The following BMP2K variants were observed in gnomAD, a reference collection of about 807,000 sequenced individuals.
BMP2K encodes the protein BMP-2-inducible protein kinase.
BMP2K carries 74 observed loss-of-function variants against 116.0 expected under a neutral mutation model. The observed-to-expected ratio is 0.64, with a 90% confidence interval of 0.53 to 0.77. BMP2K has a LOEUF of 0.77. Among genes scored for constraint, BMP2K ranks in the 30% least tolerant of loss-of-function variants. The pLI, the probability that BMP2K is intolerant of heterozygous loss-of-function variation, is 0.00. For missense variants in BMP2K, 1,365 were observed against 1,403.6 expected, an observed-to-expected ratio of 0.97 and a Z score of 0.44; for synonymous variants, 486 against 502.5, an observed-to-expected ratio of 0.97 and a Z score of 0.44.
intron 1 of BMP2K, among the ~76,000 whole-genome samples, chr4:78,778,347 G>A (rs545226811): frequency 2.5e-4 from 38 of 152,254 alleles, no homozygotes; most frequent in African/African-American, 8.7e-4. Flanking sequence ...AAGTAATAAA[G>A]ATGAATTTCA....
chr4:78,823,540 ATATATATAGTTATATATAGTTATATAGT>A (rs1729731349), intron 1 of BMP2K, among the ~76,000 whole-genome samples: 1 of 146,938 alleles, frequency 6.8e-6, no homozygotes, highest in Non-Finnish European at 1.5e-5. Flanking sequence ...ATATATGGTT[ATATATATAGTTATATATAGTTATATAGT>A]TATATATAGT....
chr4:78,903,539 C>T (rs1289945175), intron 15 of BMP2K, among the ~76,000 whole-genome samples: 2 of 151,882 alleles, frequency 1.3e-5, no homozygotes, highest in African/African-American at 2.4e-5. Context: ...AACATCATCC[C>T]TATCAGGTAA....
chr4:78,807,547 G>C lies in BMP2K; in HGVS notation c.179-18490G>C, dbSNP rs114112382. On this transcript the variant is annotated intron_variant, in intron 1 of 15. Transcript: ENST00000502613. ...TTTATTAGTAAAGCCATCTAGTCTT[G>C]GGCTTTTCTTTTTTTCTTTTTTCTT... Among the ~76,000 whole-genome samples the C allele has an allele frequency of 7.8e-3, 1,181 of 151,018 alleles. 8 individuals carry two copies. The highest frequency in any genetic ancestry group is 0.021 in the Middle Eastern group (6 of 290).
In BMP2K at chr4:78,889,220, C is replaced by CAA. The variant is rs71661191; in HGVS notation, c.2062+1957_2062+1958dup. Among the ~76,000 whole-genome samples the CAA allele has an allele frequency of 7.2e-3, 366 of 51,098 alleles. 1 individual carries two copies. Among genetic ancestry groups the CAA allele is most frequent in the Non-Finnish European group, 9.3e-3 (215 of 23,200 alleles). 33.5% of individuals were successfully genotyped at this position (51,098 alleles called of 152,430 possible). A position where few individuals can be genotyped will look rare whatever the true frequency, so the allele number is the denominator to read the frequency against. On this transcript the variant is annotated intron_variant, in intron 15 of 15. Coordinates refer to ENST00000502613, the MANE Select transcript of BMP2K (RefSeq NM_198892.2). ...TGGGCGATAGAGTGAGACTCTGTCT[C>CAA]AAAAAAAAAAAAAAAAAAAAAAGCC...
At chr4:78,799,070 C>T (rs1422434927) in intron 1 of BMP2K, among the ~76,000 whole-genome samples, 1 of 152,170 alleles carries the variant, frequency 6.6e-6, no homozygotes, top group Non-Finnish European at 1.5e-5. Flanking sequence ...CTCAACATTT[C>T]TGAAAAGACA....
At chr4:78,885,979 T>C (rs1733057701) in intron 14 of BMP2K, among the ~76,000 whole-genome samples, 1 of 152,192 alleles carries the variant, frequency 6.6e-6, no homozygotes, top group African/African-American at 2.4e-5. Flanking sequence ...AGTAATGTGT[T>C]ATTGACTGTT....
chr4:78,850,364 TAC>T (rs1731186988), intron 6 of BMP2K, among the ~76,000 whole-genome samples: 1 of 151,842 alleles, frequency 6.6e-6, no homozygotes, highest in Non-Finnish European at 1.5e-5. Context: ...AGGTTACACA[TAC>T]AATTAGTATA....
At chr4:78,792,744 T>C (rs2109936735) in intron 1 of BMP2K, among the ~76,000 whole-genome samples, 1 of 152,304 alleles carries the variant, frequency 6.6e-6, no homozygotes, top group African/African-American at 2.4e-5. Flanking sequence ...AAGTACAAGA[T>C]TGACCACTGG....
chr4:78,879,047 A>G, intron 14 of BMP2K, 156 bp downstream of exon 14: 3 of 1,412,630 alleles, frequency 2.1e-6, no homozygotes, highest in South Asian at 3.4e-5. Flanking sequence ...ATACTATCAA[A>G]TTATGTTGTG....
rs183320388 is a variant in BMP2K, at chr4:78,791,944, C to T, written c.178+15223C>T. 2.6e-3 allele frequency among the ~76,000 whole-genome samples: 394 copies of T among 152,184 alleles called. 1 individual carries two copies. Among genetic ancestry groups the T allele is most frequent in the Non-Finnish European group, 4.4e-3 (302 of 68,008 alleles). ...TATGTTTGAGTCCCTGCTTTCATGCCTTTTTGGTATATATCCGGAAGGGAA... is the reference window on the plus strand; with the variant it reads ...TATGTTTGAGTCCCTGCTTTCATGCTTTTTTGGTATATATCCGGAAGGGAA... On this transcript the variant is annotated intron_variant, in intron 1 of 15. Transcript: ENST00000502613.
At chr4:78,804,486 T>C (rs553252282) in intron 1 of BMP2K, among the ~76,000 whole-genome samples, 2 of 152,202 alleles carry the variant, frequency 1.3e-5, no homozygotes, top group Non-Finnish European at 2.9e-5. Context: ...GGTAGCTTTA[T>C]GTTTAACTTT....
chr4:78,840,184 A>G (rs1577916033), intron 3 of BMP2K, among the ~76,000 whole-genome samples: 1 of 152,294 alleles, frequency 6.6e-6, no homozygotes, highest in Non-Finnish European at 1.5e-5. Context: ...TAGTGATGAA[A>G]TTTGGCAGAG....
chr4:78,848,260 TTTAA>T lies in BMP2K; in HGVS notation c.750+996_750+999del, dbSNP rs528272309. Among the ~76,000 whole-genome samples the T allele has an allele frequency of 2.6e-3, 391 of 151,750 alleles. 1 individual carries two copies. The highest frequency in any genetic ancestry group is 4.4e-3 in the Non-Finnish European group (300 of 67,678). On this transcript the variant is annotated intron_variant, in intron 6 of 15. Transcript: ENST00000502613. ...GAATTTTTTAAAATCACATGTATAATTTAATTAAAAATAAGTTTATTAATTTGGT... is the reference window on the plus strand; with the variant it reads ...GAATTTTTTAAAATCACATGTATAATTTAAAAATAAGTTTATTAATTTGGT...
intron 3 of BMP2K, among the ~76,000 whole-genome samples, chr4:78,837,190 CTCTTT>C (rs1027938980): frequency 7.9e-5 from 12 of 151,150 alleles, no homozygotes; most frequent in Non-Finnish European, 1.5e-4. Context: ...TTTCCAAGGA[CTCTTT>C]TCTTTTTTTT....
At chr4:78,894,320 A>G (rs968200734) in intron 15 of BMP2K, among the ~76,000 whole-genome samples, 8 of 152,198 alleles carry the variant, frequency 5.3e-5, no homozygotes, top group African/African-American at 1.9e-4. Flanking sequence ...CTTCCAATAG[A>G]AGGCTGTTTT....
chr4:78,823,929 A>T (rs1340303315), intron 1 of BMP2K, among the ~76,000 whole-genome samples: 42 of 152,206 alleles, frequency 2.8e-4, no homozygotes, highest in Admixed American at 2.7e-3. Context: ...TAGTTTTTGT[A>T]ACCAAATAAA....
intron 6 of BMP2K, among the ~76,000 whole-genome samples, chr4:78,849,060 G>A (rs1731134773): frequency 6.6e-6 from 1 of 151,492 alleles, no homozygotes. Flanking sequence ...GCATGATATT[G>A]AAGTATTTAG....
At chr4:78,827,405 A>G (rs938196315) in intron 2 of BMP2K, among the ~76,000 whole-genome samples, 5 of 152,112 alleles carry the variant, frequency 3.3e-5, no homozygotes, top group African/African-American at 1.2e-4. Context: ...CTATCAGGGA[A>G]TCTCATCCAT....
intron 1 of BMP2K, among the ~76,000 whole-genome samples, chr4:78,814,319 A>G (rs1368160484): frequency 3.3e-5 from 5 of 151,976 alleles, no homozygotes; most frequent in Admixed American, 2.0e-4. Flanking sequence ...TTCAGGTTCT[A>G]CCTTCTTTAA....
Sources: gnomAD v4.1 joint callset for allele counts (sites outside exome capture counted in the v4.1 genomes callset) on GRCh38, gnomAD v4.1.1 for gene constraint, MANE v1.5 for transcripts, NCBI Gene and HGNC (gene_info 2026-07-23, HGNC 2026-07-21) for gene names.